The following LARGE1 variants were observed in gnomAD, a reference collection of about 807,000 sequenced individuals.
LARGE1 encodes the protein xylosyl- and glucuronyltransferase LARGE1.
LARGE1 carries 43 observed loss-of-function variants against 87.6 expected under a neutral mutation model. The observed-to-expected ratio is 0.49, with a 90% CI of 0.38 to 0.63. The LOEUF (loss-of-function observed/expected upper bound fraction) is 0.63, where lower values mean the gene tolerates loss of function less well. Ranked by LOEUF, LARGE1 falls within the 30% of genes least tolerant of loss-of-function variation. The pLI, the probability that LARGE1 is intolerant of heterozygous loss-of-function variation, is 0.00. For missense variants in LARGE1, 802 were observed against 1,000.2 expected (o/e 0.80, Z 2.67); for synonymous variants, 434 against 394.6 (o/e 1.10, Z -1.18).
chr22:33,372,150 C>T (rs1039268464), intron 9 of LARGE1, among the ~76,000 whole-genome samples: 4 of 151,824 alleles, frequency 2.6e-5, no homozygotes, highest in Non-Finnish European at 4.4e-5. Context: ...AAAATAAGAA[C>T]AAATTGCTGA....
chr22:33,621,348 C>T (rs2079746625), intron 4 of LARGE1, among the ~76,000 whole-genome samples: 1 of 152,138 alleles, frequency 6.6e-6, no homozygotes, highest in African/African-American at 2.4e-5. Context: ...TCCAACAGGT[C>T]GCAGCAATTG....
intron 11 of LARGE1, among the ~76,000 whole-genome samples, chr22:33,232,364 AC>A (rs962548046): frequency 5.3e-5 from 8 of 152,298 alleles, no homozygotes; most frequent in Admixed American, 2.6e-4. Context: ...AGTGAAGTGC[AC>A]CCACTGATTT....
At chr22:33,819,260 G>T (rs1487885687) in intron 1 of LARGE1, among the ~76,000 whole-genome samples, 2 of 141,268 alleles carry the variant, frequency 1.4e-5, no homozygotes, top group Admixed American at 1.4e-4. Flanking sequence ...CCAGTGGTGT[G>T]TGAGTACAAA....
intron 11 of LARGE1, among the ~76,000 whole-genome samples, chr22:33,310,482 C>A (rs1024416324): frequency 2.1e-4 from 32 of 152,048 alleles, no homozygotes; most frequent in Non-Finnish European, 7.3e-5. Flanking sequence ...AAGCAGAACT[C>A]CTGGCTTCAT....
At chr22:33,126,286 G>A in the LARGE1 span, among the ~76,000 whole-genome samples, 3 of 152,188 alleles carry the variant, frequency 2.0e-5, no homozygotes, top group Admixed American at 6.5e-5. Context: ...TCTGAAGTAG[G>A]AGTTTCCATG....
At chr22:33,208,725 C>T (rs1924812951) in intron 11 of LARGE1, among the ~76,000 whole-genome samples, 1 of 152,134 alleles carries the variant, frequency 6.6e-6, no homozygotes, top group Non-Finnish European at 1.5e-5. Flanking sequence ...CTGCCCTAAC[C>T]CCCACCACCA....
intron 1 of LARGE1, among the ~76,000 whole-genome samples, chr22:33,825,094 A>G (rs1339893114): frequency 1.2e-4 from 18 of 152,198 alleles, no homozygotes. Context: ...TCAGTCGATG[A>G]GCAACTTAAA....
chr22:33,589,028 G>A (rs972123891), intron 5 of LARGE1, among the ~76,000 whole-genome samples: 4 of 152,184 alleles, frequency 2.6e-5, no homozygotes, highest in African/African-American at 4.8e-5. Context: ...GCAACTAGCC[G>A]CAATAAATGC....
intron 11 of LARGE1, among the ~76,000 whole-genome samples, chr22:33,304,774 G>T (rs1179993632): frequency 6.6e-6 from 1 of 152,170 alleles, no homozygotes; most frequent in Non-Finnish European, 1.5e-5. Flanking sequence ...TCGTTTCAAA[G>T]CCAGGTGGTG....
intron 11 of LARGE1, among the ~76,000 whole-genome samples, chr22:33,310,981 G>A (rs113255126): frequency 0.076 from 11,376 of 149,230 alleles, 508 homozygotes; most frequent in African/African-American, 0.12. Context: ...TTTTTTTTGA[G>A]ACCGAGTCTC....
intron 7 of LARGE1, among the ~76,000 whole-genome samples, chr22:33,398,342 A>G (rs902425645): frequency 2.0e-5 from 3 of 150,728 alleles, no homozygotes; most frequent in Non-Finnish European, 4.4e-5. Context: ...ATACGAAGTT[A>G]AAAAAAAAGG....
chr22:33,380,753 C>T (rs1293094480), intron 9 of LARGE1, among the ~76,000 whole-genome samples: 1 of 152,156 alleles, frequency 6.6e-6, no homozygotes, highest in Admixed American at 6.5e-5. Flanking sequence ...AATCCTTTTT[C>T]CTTTTTAAAA....
At chr22:33,832,247 C>G (rs1045610245) in intron 1 of LARGE1, among the ~76,000 whole-genome samples, 1 of 152,178 alleles carries the variant, frequency 6.6e-6, no homozygotes, top group African/African-American at 2.4e-5. Flanking sequence ...AACCAGAAGA[C>G]AGCACACAGC....
chr22:33,374,026 C>T (rs9607037), intron 9 of LARGE1, among the ~76,000 whole-genome samples: 32,936 of 148,874 alleles, frequency 0.22, 5,078 homozygotes, highest in African/African-American at 0.43. Context: ...AAGGCAATGT[C>T]TTCCACCAGT....
At chr22:33,389,881 ACC>A (rs1315230668) in intron 7 of LARGE1, among the ~76,000 whole-genome samples, 141 of 151,492 alleles carry the variant, frequency 9.3e-4, no homozygotes, top group African/African-American at 2.1e-3. Context: ...CAACCAACCA[ACC>A]AACCAACCAA....
the LARGE1 span, among the ~76,000 whole-genome samples, chr22:33,145,267 C>T: frequency 1.3e-5 from 2 of 152,074 alleles, no homozygotes; most frequent in Admixed American, 6.6e-5. Flanking sequence ...ATATGCCCAC[C>T]CCTACCACCA....
At chr22:33,715,527 T>C (rs2082883418) in intron 2 of LARGE1, among the ~76,000 whole-genome samples, 1 of 152,148 alleles carries the variant, frequency 6.6e-6, no homozygotes, top group Non-Finnish European at 1.5e-5. Context: ...CAAACATTCT[T>C]CCATAGCCCC....
At chr22:33,332,424 T>C (rs997955920) in intron 10 of LARGE1, among the ~76,000 whole-genome samples, 3 of 152,164 alleles carry the variant, frequency 2.0e-5, no homozygotes, top group African/African-American at 7.2e-5. Flanking sequence ...TAAACCTCTT[T>C]CCTTTATAAA....
chr22:33,415,773 A>T (rs2066465138), intron 7 of LARGE1, among the ~76,000 whole-genome samples: 1 of 152,160 alleles, frequency 6.6e-6, no homozygotes, highest in Non-Finnish European at 1.5e-5. Flanking sequence ...AGAGATGAAC[A>T]CTTGGCTCAG....
Sources: allele counts gnomAD v4.1 joint callset (sites outside exome capture counted in the v4.1 genomes callset), GRCh38; gene constraint gnomAD v4.1.1; transcripts MANE v1.5; gene names NCBI Gene and HGNC (gene_info 2026-07-23, HGNC 2026-07-21).